The following SYN3 variants were observed in gnomAD, a reference collection of about 807,000 sequenced individuals.
SYN3 encodes synapsin III.
Under a neutral mutation model 65.8 loss-of-function variants are expected in SYN3, and 35 were observed. The observed-to-expected ratio is 0.53, with a 90% CI of 0.41 to 0.70. The LOEUF (loss-of-function observed/expected upper bound fraction) is 0.70, where lower values mean the gene tolerates loss of function less well. Ranked by LOEUF, SYN3 falls within the 30% of genes least tolerant of loss-of-function variation. SYN3 has a pLI of 0.00. For synonymous variants in SYN3, 270 were observed against 292.9 expected, an observed-to-expected ratio of 0.92 and a Z score of 0.80; for missense variants, 680 against 749.0, an observed-to-expected ratio of 0.91 and a Z score of 1.08.
At chr22:32,515,818 A>G (rs2057761773) in intron 13 of SYN3, among the ~76,000 whole-genome samples, 1 of 150,940 alleles carries the variant, frequency 6.6e-6, no homozygotes, top group Non-Finnish European at 1.5e-5. Flanking sequence ...TTTTTTTTCG[A>G]GATGGAGTCT....
At chr22:33,026,524 A>C (rs2053643253) in intron 1 of SYN3, among the ~76,000 whole-genome samples, 1 of 152,158 alleles carries the variant, frequency 6.6e-6, no homozygotes, top group African/African-American at 2.4e-5. Context: ...TATTACCTGA[A>C]AAATACAGTA....
At chr22:32,533,649 A>C (rs1238788661) in intron 10 of SYN3, 144 bp downstream of exon 10, 1 of 572,106 alleles carries the variant, frequency 1.7e-6, no homozygotes, top group Admixed American at 2.8e-5. Context: ...AGGAGCCTCC[A>C]GAAGCAACTC....
intron 3 of SYN3, among the ~76,000 whole-genome samples, chr22:32,969,662 C>T (rs2051958610): frequency 6.6e-6 from 1 of 152,176 alleles, no homozygotes; most frequent in African/African-American, 2.4e-5. Context: ...CACGTGTGTG[C>T]TAAGTCACTT....
At chr22:32,811,873 C>T (rs990801906) in intron 6 of SYN3, among the ~76,000 whole-genome samples, 5 of 152,142 alleles carry the variant, frequency 3.3e-5, no homozygotes, top group Non-Finnish European at 7.3e-5. Flanking sequence ...CATTGATAAG[C>T]AGAGGTAGAA....
intron 6 of SYN3, among the ~76,000 whole-genome samples, chr22:32,614,246 G>A (rs932570745): frequency 8.5e-5 from 13 of 152,226 alleles, no homozygotes; most frequent in Middle Eastern, 3.2e-3. Flanking sequence ...CTGGGCTTCC[G>A]TGGTAGAGGC....
At chr22:32,767,844 T>A (rs2045669393) in intron 6 of SYN3, among the ~76,000 whole-genome samples, 1 of 152,220 alleles carries the variant, frequency 6.6e-6, no homozygotes, top group Non-Finnish European at 1.5e-5. Flanking sequence ...CACTTCCTTC[T>A]CTTGTTGATC....
rs1054772151 is a variant in SYN3, at chr22:32,579,605, C to T, written c.774+17069G>A. Among the ~76,000 whole-genome samples, 5 of 152,290 alleles carry T rather than the reference C, an allele frequency of 3.3e-5. No homozygotes were observed. In the South Asian group the frequency reaches 6.2e-4, roughly 19 times the overall value. ...ATATGTTTAGGAAGACACCAACATT[C>T]AGACCATGGCAAGCCATTAGTCTCA... On this transcript the variant is annotated intron_variant, in intron 7 of 13. Transcript: ENST00000358763.
chr22:32,595,497 A>AT (rs2059185978), intron 7 of SYN3, among the ~76,000 whole-genome samples: 1 of 152,180 alleles, frequency 6.6e-6, no homozygotes, highest in South Asian at 2.1e-4. Context: ...TCAGGATGTT[A>AT]TTTGTGACTG....
chr22:32,855,188 G>A (rs1253761688), intron 6 of SYN3, among the ~76,000 whole-genome samples: 1 of 152,144 alleles, frequency 6.6e-6, no homozygotes, highest in Non-Finnish European at 1.5e-5. Context: ...CAACACCTTG[G>A]TGCCCCACCG....
At chr22:32,807,616 G>C (rs12484696) in intron 6 of SYN3, among the ~76,000 whole-genome samples, 15,657 of 149,432 alleles carry the variant, frequency 0.1, 905 homozygotes, top group Admixed American at 0.16. Flanking sequence ...AGGAAACTGA[G>C]GCTTAGAAAA....
intron 1 of SYN3, among the ~76,000 whole-genome samples, chr22:33,055,888 G>C (rs956867893): frequency 2.0e-5 from 3 of 152,182 alleles, no homozygotes; most frequent in Admixed American, 6.5e-5. Flanking sequence ...TACTCCTTAA[G>C]AGACACTCAA....
chr22:32,823,030 T>C (rs895206747), intron 6 of SYN3, among the ~76,000 whole-genome samples: 5 of 152,200 alleles, frequency 3.3e-5, no homozygotes, highest in African/African-American at 1.2e-4. Flanking sequence ...CTCTGCGCTG[T>C]GGGATTTTGG....
intron 6 of SYN3, among the ~76,000 whole-genome samples, chr22:32,694,757 G>T (rs1166479403): frequency 6.6e-6 from 1 of 152,156 alleles, no homozygotes; most frequent in African/African-American, 2.4e-5. Context: ...ACTGAGAAAT[G>T]ACTATATATT....
rs1601532883 is a variant in SYN3, at chr22:32,513,649, A to G, written c.*43T>C. On this transcript the variant is annotated 3_prime_UTR_variant, in exon 14 of 14. Transcript: ENST00000358763. ...AGAAGGAAGATGAGGCAGGAGGGGG[A>G]CGAGTGTAGCAGAGCACTCTTCCCC... 6.2e-7 allele frequency: 1 copy of G among 1,601,620 alleles called. No homozygotes were observed. The highest frequency in any genetic ancestry group is 8.5e-7 in the Non-Finnish European group (1 of 1,171,566).
chr22:32,946,587 T>C (rs2051118274), intron 3 of SYN3, among the ~76,000 whole-genome samples: 1 of 152,018 alleles, frequency 6.6e-6, no homozygotes, highest in South Asian at 2.1e-4. Flanking sequence ...ATATACCTAA[T>C]GTAAATGATG....
At chr22:32,632,024 AGGC>A (rs35659812) in intron 6 of SYN3, among the ~76,000 whole-genome samples, 2,577 of 152,288 alleles carry the variant, frequency 0.017, 36 homozygotes, top group Non-Finnish European at 0.028. Flanking sequence ...TGGGTTTACT[AGGC>A]GCCGGAGGGA....
intron 10 of SYN3, among the ~76,000 whole-genome samples, chr22:32,532,456 G>A (rs1485497024): frequency 6.6e-6 from 1 of 152,306 alleles, no homozygotes; most frequent in African/African-American, 2.4e-5. Flanking sequence ...AACTTCAGGT[G>A]TGGTGGCGGC....
intron 6 of SYN3, among the ~76,000 whole-genome samples, chr22:32,821,159 A>G (rs1174607324): frequency 6.6e-6 from 1 of 152,222 alleles, no homozygotes; most frequent in Non-Finnish European, 1.5e-5. Flanking sequence ...CAAAAAAAGC[A>G]GAGATGGAAT....
At chr22:32,590,831 C>T (rs1038256057) in intron 7 of SYN3, among the ~76,000 whole-genome samples, 2 of 152,204 alleles carry the variant, frequency 1.3e-5, no homozygotes, top group African/African-American at 2.4e-5. Context: ...TTTGGCAACC[C>T]AGTCCTCATC....
Sources: gnomAD v4.1 joint callset for allele counts (sites outside exome capture counted in the v4.1 genomes callset) on GRCh38, gnomAD v4.1.1 for gene constraint, MANE v1.5 for transcripts, NCBI Gene and HGNC (gene_info 2026-07-23, HGNC 2026-07-21) for gene names.